ANK2: variants seen among roughly 807,000 people sequenced by gnomAD.
ANK2 encodes ankyrin-2.
In ANK2, 83 loss-of-function variants were observed where a neutral mutation model predicts 360.5. That is an observed-to-expected ratio of 0.23 (90% CI 0.19 to 0.28). The LOEUF (loss-of-function observed/expected upper bound fraction) is 0.28. Among genes scored for constraint, ANK2 ranks in the 10% least tolerant of loss-of-function variants. The pLI is 1.00. For synonymous variants in ANK2, 1,740 were observed against 1,759.5 expected (o/e 0.99, Z 0.28); for missense variants, 4,201 against 4,795.7 (o/e 0.88, Z 3.66).
chr4:113,024,740 A>G lies in ANK2; in HGVS notation c.21+120226A>G, dbSNP rs28730965. 9.2e-3 allele frequency among the ~76,000 whole-genome samples: 1,398 copies of G among 152,268 alleles called. 18 individuals are homozygous for G. The highest frequency in any genetic ancestry group is 0.032 in the African/African-American group (1,343 of 41,578). On this transcript the variant is annotated intron_variant, in intron 2 of 30. Coordinates refer to the ANK2 transcript ENST00000503271. ...AAAGAGCATACAATGAATGCTATATATGAATTATTGTTTGACGCTAGAAGA... is the reference window on the plus strand; with the variant it reads ...AAAGAGCATACAATGAATGCTATATGTGAATTATTGTTTGACGCTAGAAGA...
chr4:113,223,930 T>C (rs2099183181), intron 4 of ANK2, among the ~76,000 whole-genome samples: 1 of 152,226 alleles, frequency 6.6e-6, no homozygotes. Flanking sequence ...AAGCTGATTC[T>C]TTCACATGTT....
At chr4:113,156,604 C>T (rs563726000) in intron 1 of ANK2, among the ~76,000 whole-genome samples, 66 of 151,962 alleles carry the variant, frequency 4.3e-4, no homozygotes, top group Non-Finnish European at 8.8e-4. Context: ...CTCAAATGAT[C>T]TGTCTTCCTT....
intron 2 of ANK2, among the ~76,000 whole-genome samples, chr4:112,991,553 T>C (rs940073188): frequency 6.6e-6 from 1 of 151,930 alleles, no homozygotes; most frequent in African/African-American, 2.4e-5. Context: ...ATCAAATGGC[T>C]GTTCAGCCAC....
At chr4:112,875,762 C>T (rs2074855954) in intron 1 of ANK2, among the ~76,000 whole-genome samples, 1 of 151,070 alleles carries the variant, frequency 6.6e-6, no homozygotes, top group Non-Finnish European at 1.5e-5. Context: ...TTTTAGGAGA[C>T]AGGGTCTCAC....
At chr4:112,789,428 A>C in the ANK2 span, among the ~76,000 whole-genome samples, 1 of 152,260 alleles carries the variant, frequency 6.6e-6, no homozygotes, top group Non-Finnish European at 1.5e-5. Flanking sequence ...CTAAATCAGC[A>C]GGTCACATGG....
At chr4:112,926,298 G>A (rs1426272886) in intron 2 of ANK2, among the ~76,000 whole-genome samples, 1 of 152,166 alleles carries the variant, frequency 6.6e-6, no homozygotes, top group East Asian at 1.9e-4. Context: ...ATTCTCTGAA[G>A]AGCAGCTCAG....
rs751771907 is a variant in ANK2, at chr4:112,828,232, C to CTTTTTT, written c.-40+9983_-40+9988dup. Among the ~76,000 whole-genome samples, 130 of 109,570 alleles carry CTTTTTT rather than the reference C, an allele frequency of 1.2e-3. 2 individuals carry two copies. Among genetic ancestry groups the CTTTTTT allele is most frequent in the African/African-American group, 2.7e-3 (76 of 28,038 alleles). The allele number at this position is 109,570 out of a possible 152,430, so 71.9% of individuals were successfully genotyped here. On this transcript the variant is annotated intron_variant, in intron 1 of 30. Transcript: ENST00000503271. ...AAATCAACTCAAGATGAATTACGGA[C>CTTTTTT]TTTTTTTTTTTTTTTTTTTTGAGAC...
chr4:112,997,941 C>T (rs188174643), intron 2 of ANK2, among the ~76,000 whole-genome samples: 57 of 149,792 alleles, frequency 3.8e-4, no homozygotes, highest in African/African-American at 1.3e-3. Flanking sequence ...GTCTGTTTCT[C>T]AAAACTTTGG....
the ANK2 span, chr4:112,788,671 G>A: frequency 1.2e-6 from 2 of 1,600,804 alleles, no homozygotes; most frequent in Admixed American, 1.7e-5. Flanking sequence ...CGCTTATAGA[G>A]GATGGCTCTC....
chr4:112,761,039 C>G, the ANK2 span, among the ~76,000 whole-genome samples: 1 of 151,812 alleles, frequency 6.6e-6, no homozygotes, highest in Non-Finnish European at 1.5e-5. Context: ...GAACTCCTGC[C>G]CACATGATCC....
At chr4:113,008,463 G>T (rs1561516301) in intron 2 of ANK2, among the ~76,000 whole-genome samples, 2 of 152,092 alleles carry the variant, frequency 1.3e-5, no homozygotes, top group Non-Finnish European at 2.9e-5. Flanking sequence ...TGTGACCCCT[G>T]GTTATAAGCC....
chr4:112,993,853 C>T (rs989865506), intron 2 of ANK2, among the ~76,000 whole-genome samples: 35 of 152,002 alleles, frequency 2.3e-4, no homozygotes, highest in African/African-American at 8.2e-4. Flanking sequence ...ATTACAGGCA[C>T]GCACCACCAT....
At position 113,383,619 on chromosome 4, in the gene ANK2, A is replaced by C. The variant is rs2097203833; in HGVS notation, c.*2148A>C. ...TTCCCATGGTGATAACACTAATTGA[A>C]TATATCTATGAGGGCATGTATTAGT... On this transcript the variant is annotated 3_prime_UTR_variant, in exon 46 of 46. Coordinates refer to ENST00000357077, the MANE Select transcript of ANK2 (RefSeq NM_001148.6). The C allele has an allele frequency of 6.6e-6, 1 of 152,636 alleles. No individual in the cohort carries two copies. The highest frequency in any genetic ancestry group is 2.4e-5 in the African/African-American group (1 of 41,442). The allele number at this position is 152,636 out of a possible 1,614,324, so 9.5% of individuals were successfully genotyped here.
intron 1 of ANK2, among the ~76,000 whole-genome samples, chr4:112,844,270 A>C (rs928858571): frequency 5.3e-5 from 8 of 152,236 alleles, no homozygotes; most frequent in African/African-American, 1.9e-4. Flanking sequence ...TCATGATTGG[A>C]CTACCCTTAG....
At position 112,941,797 on chromosome 4, in the gene ANK2, G is replaced by A. The variant is rs139351316; in HGVS notation, c.21+37283G>A. 3.1e-3 allele frequency among the ~76,000 whole-genome samples: 470 copies of A among 149,428 alleles called. 5 individuals carry two copies. Among genetic ancestry groups the A allele is most frequent in the East Asian group, 0.012 (61 of 5,154 alleles). On this transcript the variant is annotated intron_variant, in intron 2 of 30. Coordinates refer to the ANK2 transcript ENST00000503271. ...TAAACCATATTACATATACATTTAC[G>A]TGTGTATATTTTTTAATGTATGCAT... is the stretch of plus-strand genomic sequence containing the variant.
In ANK2 at chr4:113,149,874, C is replaced by CAAAAAAAAAAAAAA. The variant is rs34667216; in HGVS notation, c.85-24529_85-24516dup. 3.8e-4 allele frequency among the ~76,000 whole-genome samples: 12 copies of CAAAAAAAAAAAAAA among 31,406 alleles called. 1 individual carries two copies. The highest frequency in any genetic ancestry group is 2.0e-3 in the East Asian group (1 of 490). 20.6% of individuals were successfully genotyped at this position (31,406 alleles called of 152,430 possible). A position where few individuals can be genotyped will look rare whatever the true frequency, so the allele number is the denominator to read the frequency against. On this transcript the variant is annotated intron_variant, in intron 1 of 45. Transcript: ENST00000357077. ...CTTGCGTGAGAGTGAGACCCTGCCT[C>CAAAAAAAAAAAAAA]AAAAAAAAAAAAAAAAAAAAAAAAA...
chr4:112,996,074 A>G (rs987386520), intron 2 of ANK2, among the ~76,000 whole-genome samples: 3 of 152,244 alleles, frequency 2.0e-5, no homozygotes, highest in African/African-American at 7.2e-5. Flanking sequence ...AAAACAACCC[A>G]AATGTCTATC....
At chr4:112,832,674 C>G (rs1453364524) in intron 1 of ANK2, among the ~76,000 whole-genome samples, 1 of 152,130 alleles carries the variant, frequency 6.6e-6, no homozygotes, top group Non-Finnish European at 1.5e-5. Flanking sequence ...CCAGATGTTA[C>G]TAAAAATAAT....
At chr4:112,932,491 CA>C (rs750709290) in intron 2 of ANK2, among the ~76,000 whole-genome samples, 676 of 54,626 alleles carry the variant, frequency 0.012, 1 homozygote, top group African/African-American at 0.02. Flanking sequence ...GACTCCGTCT[CA>C]AAAAAAAAAA....
Sources: allele counts gnomAD v4.1 joint callset (sites outside exome capture counted in the v4.1 genomes callset), GRCh38; gene constraint gnomAD v4.1.1; transcripts MANE v1.5; gene names NCBI Gene and HGNC (gene_info 2026-07-23, HGNC 2026-07-21).